SERP2: variants seen among roughly 807,000 people sequenced by gnomAD.
SERP2 encodes stress associated endoplasmic reticulum protein family member 2.
SERP2 carries 6 observed loss-of-function variants against 9.1 expected under a neutral mutation model. The ratio of observed to expected loss-of-function variants is 0.66; its 90% CI spans 0.36 to 1.30. The LOEUF is 1.30. SERP2 is among the 50% of genes most tolerant of loss of function. The pLI, the probability that SERP2 is intolerant of heterozygous loss-of-function variation, is 0.03. For synonymous variants in SERP2, 37 were observed against 27.3 expected, an observed-to-expected ratio of 1.35 and a Z score of -1.10; for missense variants, 58 against 81.9, an observed-to-expected ratio of 0.71 and a Z score of 1.13.
At chr13:44,387,797 C>T (rs562667275) in intron 2 of SERP2, among the ~76,000 whole-genome samples, 1 of 152,286 alleles carries the variant, frequency 6.6e-6, no homozygotes, top group East Asian at 1.9e-4. Flanking sequence ...CAGAGGGAAA[C>T]TCTTAAATAC....
intron 2 of SERP2, chr13:44,390,987 C>T (rs1872718764): frequency 6.6e-6 from 1 of 152,174 alleles, no homozygotes. Flanking sequence ...TCTTCTTCTC[C>T]TAAAGGATAT....
chr13:44,377,312 G>A (rs1246260202), intron 1 of SERP2, among the ~76,000 whole-genome samples: 1 of 152,136 alleles, frequency 6.6e-6, no homozygotes, highest in Non-Finnish European at 1.5e-5. Context: ...GCTGGAAATA[G>A]AGATAAAATG....
intron 2 of SERP2, among the ~76,000 whole-genome samples, chr13:44,393,016 T>A (rs1872872064): frequency 7.5e-6 from 1 of 134,106 alleles, no homozygotes; most frequent in Admixed American, 7.6e-5. Flanking sequence ...AAGACCATGG[T>A]TTCACAGAGG....
chr13:44,391,728 G>T (rs917487752), intron 2 of SERP2, among the ~76,000 whole-genome samples: 2 of 151,958 alleles, frequency 1.3e-5, no homozygotes, highest in Non-Finnish European at 1.5e-5. Flanking sequence ...CCAGGGTTTG[G>T]GGGGAAGGTG....
At chr13:44,375,638 A>G (rs763086992) in intron 1 of SERP2, among the ~76,000 whole-genome samples, 1 of 152,224 alleles carries the variant, frequency 6.6e-6, no homozygotes, top group Non-Finnish European at 1.5e-5. Flanking sequence ...CAGACCTGCT[A>G]ACTGACACAG....
intron 2 of SERP2, among the ~76,000 whole-genome samples, chr13:44,395,075 G>A (rs993376669): frequency 1.3e-5 from 2 of 152,214 alleles, no homozygotes; most frequent in African/African-American, 4.8e-5. Context: ...TTGTTCGTCA[G>A]GATTAGCGAT....
intron 2 of SERP2, among the ~76,000 whole-genome samples, chr13:44,396,351 G>A (rs905939475): frequency 2.6e-5 from 4 of 151,462 alleles, no homozygotes; most frequent in Non-Finnish European, 4.4e-5. Flanking sequence ...CTTTAAGAAG[G>A]CGAGAAGGGG....
chr13:44,389,458 A>G (rs1401359176), intron 2 of SERP2, among the ~76,000 whole-genome samples: 6 of 152,180 alleles, frequency 3.9e-5, no homozygotes, highest in African/African-American at 1.2e-4. Context: ...TATTGGCTTT[A>G]TAAGTGTTTG....
intron 2 of SERP2, among the ~76,000 whole-genome samples, chr13:44,383,183 G>T (rs986884193): frequency 4.0e-5 from 6 of 151,888 alleles, no homozygotes; most frequent in Admixed American, 2.0e-4. Flanking sequence ...CACCTGTATT[G>T]TCAAGGGTCT....
rs945288890 is a variant in SERP2, at chr13:44,381,541, CA to C, written c.157+1837del. On this transcript the variant is annotated intron_variant, in intron 2 of 2. Transcript: ENST00000379179. ...TGGGCAACTGAGCGAGACTGCGTCT[CA>C]AAAAAAAAGTATAGCATTTGCAACT... is the stretch of plus-strand genomic sequence containing the variant. 2.6e-5 allele frequency among the ~76,000 whole-genome samples: 4 copies of C among 151,254 alleles called. No homozygotes were observed. In the South Asian group the frequency reaches 6.2e-4, roughly 24 times the overall value.
upstream of SERP2, chr13:44,373,672 C>A (rs1299135054): frequency 7.7e-6 from 2 of 260,046 alleles, no homozygotes; most frequent in Non-Finnish European, 1.4e-5. This position sits in a 1 kb window ranked among gnomAD's most constrained non-coding sequence, Gnocchi z 4.8. Flanking sequence ...GACCGCGACA[C>A]TGCAGGGCCC....
Position 44,373,843 on chromosome 13 carries a change from CCT to C in SERP2, c.-176_-175del, listed in dbSNP as rs1245778342. ...GAGATTACTTCCGTCCGGGCTGCGGCCTCTCTCTGGAGTCGGCTAGCCGGGGC... is the reference window on the plus strand; with the variant it reads ...GAGATTACTTCCGTCCGGGCTGCGGCCTCTCTGGAGTCGGCTAGCCGGGGC... On this transcript the variant is annotated 5_prime_UTR_variant, in exon 1 of 3. Transcript: ENST00000379179. This position sits in a 1 kb window ranked among gnomAD's most constrained non-coding sequence, Gnocchi z 4.8. 6 of 537,812 alleles carry C rather than the reference CCT, an allele frequency of 1.1e-5. No individual in the cohort carries two copies. The East Asian group carries it at 1.8e-4, about 16-fold the overall frequency. The allele number at this position is 537,812 out of a possible 1,614,324, so 33.3% of individuals were successfully genotyped here.
At chr13:44,381,766 G>A (rs1265565801) in intron 2 of SERP2, among the ~76,000 whole-genome samples, 1 of 152,082 alleles carries the variant, frequency 6.6e-6, no homozygotes, top group East Asian at 1.9e-4. Context: ...TAAACTTCCT[G>A]CAACCCCGGA....
At position 44,379,658 on chromosome 13, in the gene SERP2, A is replaced by G. The variant is rs145614394; in HGVS notation, c.102A>G (p.Lys34=). 1.3e-4 allele frequency: 206 copies of G among 1,612,886 alleles called. 2 individuals carry two copies. The African/African-American group carries it at 2.3e-3, about 18-fold the overall frequency. ...VAKTLRPQEE[K]YPVGPWLLAL... The stretch of plus-strand genomic sequence containing the variant: ...CCTTTTAGAGGCCGCAAGAGGAGAA[A>G]TATCCTGTGGGACCATGGCTGTTGG... Residue 34 remains lysine (K), a synonymous_variant, in exon 2 of 3, where the codon AAA becomes AAG. Transcript: ENST00000379179.
rs1372348924 is a variant in SERP2 at position 44,373,939 on chromosome 13, G to A, written c.-87G>A. The A allele has an allele frequency of 3.1e-6, 4 of 1,275,914 alleles. No homozygotes were observed. The African/African-American group carries it at 6.2e-5, about 20-fold the overall frequency. The allele number at this position is 1,275,914 out of a possible 1,614,324, so 79.0% of individuals were successfully genotyped here. ...CTGCAGCGCCCGGGTGGGCCGCGGG[G>A]GCCTCGGCGGGACGCGCTCGGCCCT... On this transcript the variant is annotated 5_prime_UTR_variant, in exon 1 of 3. Transcript: ENST00000379179. This position sits in a 1 kb window ranked among gnomAD's most constrained non-coding sequence, Gnocchi z 4.8.
chr13:44,386,344 T>G (rs1872316794), intron 2 of SERP2, among the ~76,000 whole-genome samples: 1 of 152,214 alleles, frequency 6.6e-6, no homozygotes. Context: ...AATTAGAACA[T>G]CTCAGGGCTG....
intron 1 of SERP2, among the ~76,000 whole-genome samples, chr13:44,375,461 T>C (rs1871598005): frequency 2.6e-5 from 4 of 152,156 alleles, no homozygotes; most frequent in Admixed American, 2.6e-4. Context: ...AATGCCAAGA[T>C]GCCATCAAAT....
At position 44,397,638 on chromosome 13, in the gene SERP2, C is replaced by T. The variant is rs1873201101; in HGVS notation, c.*326C>T. The T allele has an allele frequency of 2.5e-6, 1 of 392,578 alleles. No homozygotes were observed. 24.3% of individuals were successfully genotyped at this position (392,578 alleles called of 1,614,324 possible). On this transcript the variant is annotated 3_prime_UTR_variant, in exon 3 of 3. Transcript: ENST00000379179. ...GTGCATGTGGCCCTCTGAACGATCACTGGTTTACTTTCTATGGATACAATC... is the reference window on the plus strand; with the variant it reads ...GTGCATGTGGCCCTCTGAACGATCATTGGTTTACTTTCTATGGATACAATC...
chr13:44,380,395 C>G (rs924886112), intron 2 of SERP2, among the ~76,000 whole-genome samples: 10 of 152,172 alleles, frequency 6.6e-5, no homozygotes, highest in East Asian at 3.9e-4. Context: ...TTCCCACCCT[C>G]CAGCATCTCA....
Sources: gnomAD v4.1 joint callset for allele counts (sites outside exome capture counted in the v4.1 genomes callset) on GRCh38, gnomAD v4.1.1 for gene constraint, Gnocchi (gnomAD v3.1) non-coding constraint, MANE v1.5 for transcripts, NCBI Gene and HGNC (gene_info 2026-07-23, HGNC 2026-07-21) for gene names.